The following MMS19 variants were observed in gnomAD, a reference collection of about 807,000 sequenced individuals.
MMS19 encodes the protein MMS19 nucleotide excision repair protein homolog.
In MMS19, 77 loss-of-function variants were observed where a neutral mutation model predicts 129.8. The ratio of observed to expected loss-of-function variants is 0.59; its 90% CI spans 0.49 to 0.72. The LOEUF (loss-of-function observed/expected upper bound fraction) is 0.72, where lower values mean the gene tolerates loss of function less well. Among genes scored for constraint, MMS19 ranks in the 30% least tolerant of loss-of-function variants. The probability of loss-of-function intolerance (pLI) is 0.00; values close to 1 mark genes in which losing one functional copy is unlikely to be tolerated. For synonymous variants in MMS19, 491 were observed against 502.8 expected (o/e 0.98, Z 0.31); for missense variants, 1,168 against 1,266.3 (o/e 0.92, Z 1.18).
At chr10:97,471,674 A>G (rs1162786113) in intron 8 of MMS19, among the ~76,000 whole-genome samples, 1 of 151,968 alleles carries the variant, frequency 6.6e-6, no homozygotes, top group African/African-American at 2.4e-5. Context: ...ACACCTGGCT[A>G]ATTTTTATAT....
At chr10:97,477,751 C>G (rs2036016807) in intron 5 of MMS19, 104 bp downstream of exon 5, 2 of 789,844 alleles carry the variant, frequency 2.5e-6, no homozygotes, top group South Asian at 3.8e-5. Context: ...TCACAAGATC[C>G]AAAAGAATTC....
At chr10:97,460,328 T>C in intron 25 of MMS19, 96 bp from the exon 26 acceptor site, 1 of 1,208,380 alleles carries the variant, frequency 8.3e-7, no homozygotes, top group Non-Finnish European at 1.1e-6. Context: ...ATGCCTGTAA[T>C]CCTAGCACTT....
At position 97,476,728 on chromosome 10, in the gene MMS19, C is replaced by G; in HGVS notation, c.639G>C (p.Glu213Asp). 1 of 1,613,900 alleles carries G rather than the reference C, an allele frequency of 6.2e-7. No homozygotes were observed. The highest frequency in any genetic ancestry group is 8.5e-7 in the Non-Finnish European group (1 of 1,179,870). The change falls in exon 8 of 31, where the codon GAG (glutamate) becomes GAC (aspartate). Residue 213 changes from glutamate (E) to aspartate (D), a missense_variant. Physicochemically the swap from Glu to Asp is conservative, Grantham distance 45. This residue lies in a region of MMS19 where 329 missense variants were observed against 328.6 expected (regional missense o/e 1.00). Coordinates refer to ENST00000438925, the MANE Select transcript of MMS19 (RefSeq NM_022362.5). Reference sequence around the variant, plus strand: ...AATAACAGGATGTCACTTCAAACAACTCCTCCACAAAGGGTCCTGTGGCAA... The same window carrying G: ...AATAACAGGATGTCACTTCAAACAAGTCCTCCACAAAGGGTCCTGTGGCAA... ...RDYSLGPFVEELFEVTSCYFP... is the reference protein window; with the variant it reads ...RDYSLGPFVEDLFEVTSCYFP...
At chr10:97,467,405 T>C in intron 14 of MMS19, 100 bp downstream of exon 14, 1 of 800,012 alleles carries the variant, frequency 1.2e-6, no homozygotes, top group Admixed American at 2.3e-5. Flanking sequence ...ATAGGACCAC[T>C]GTTCTAGACT....
At chr10:97,487,421 C>T (rs1454729337) in intron 1 of MMS19, among the ~76,000 whole-genome samples, 1 of 150,574 alleles carries the variant, frequency 6.6e-6, no homozygotes, top group African/African-American at 2.5e-5. Context: ...CGGGTTCATG[C>T]CATTCTCCTG....
chr10:97,460,115 T>C lies in MMS19; in HGVS notation c.2587A>G (p.Met863Val), dbSNP rs755315531. The C allele has an allele frequency of 1.2e-6, 2 of 1,613,902 alleles. No homozygotes were observed. Among genetic ancestry groups the C allele is most frequent in the African/African-American group, 1.3e-5 (1 of 74,932 alleles). ...TRAGHAEVRI[M>V]FRQRFFTDNV... Reference sequence around the variant, plus strand: ...TCTGTGAAGAACCGCTGGCGGAACATGATCCGCACTTCGGCATGGCCAGCA... The same window carrying C: ...TCTGTGAAGAACCGCTGGCGGAACACGATCCGCACTTCGGCATGGCCAGCA... Residue 863 changes from methionine to valine, a missense_variant, in exon 26 of 31, where the codon ATG becomes GTG. Met to Val is a conservative substitution (Grantham distance 21). Coordinates refer to ENST00000438925, the MANE Select transcript of MMS19 (RefSeq NM_022362.5).
intron 8 of MMS19, among the ~76,000 whole-genome samples, chr10:97,474,021 A>G (rs1339321118): frequency 6.6e-6 from 1 of 150,646 alleles, no homozygotes; most frequent in Non-Finnish European, 1.5e-5. Flanking sequence ...TCATGTGCCT[A>G]TGGTTCCAGC....
chr10:97,465,714 C>G (rs746646819), intron 18 of MMS19, 91 bp downstream of exon 18: 86 of 1,252,726 alleles, frequency 6.9e-5, no homozygotes, highest in Non-Finnish European at 9.5e-5. Flanking sequence ...GATTCTGTTA[C>G]TCTTATGTAT....
chr10:97,490,148 G>A (rs1198804949), intron 1 of MMS19, among the ~76,000 whole-genome samples: 5 of 151,970 alleles, frequency 3.3e-5, no homozygotes. Flanking sequence ...GTACAATCAT[G>A]GCTCACTGCA....
intron 27 of MMS19, 42 bp downstream of exon 27, chr10:97,459,617 T>G (rs1009966831): frequency 6.2e-7 from 1 of 1,600,740 alleles, no homozygotes; most frequent in Admixed American, 1.7e-5. Context: ...TGGGGAAGAA[T>G]AGCTTTGTCC....
intron 18 of MMS19, 126 bp downstream of exon 18, chr10:97,465,679 A>ATTTTTTTTTTTTTTTTTTTTTTTT: frequency 2.3e-6 from 2 of 860,424 alleles, no homozygotes; most frequent in Non-Finnish European, 3.5e-6. Context: ...AGGCATCAGT[A>ATTTTTTTTTTTTTTTTTTTTTTTT]TTTTTTTTTT....
At chr10:97,469,920 C>A (rs1816872234) in intron 10 of MMS19, among the ~76,000 whole-genome samples, 197 bp from the exon 11 acceptor site, 1 of 152,118 alleles carries the variant, frequency 6.6e-6, no homozygotes, top group African/African-American at 2.4e-5. Context: ...AGAGGGAGTC[C>A]TGGTCAGCCT....
chr10:97,461,663 T>G (rs1396784906), intron 22 of MMS19, 41 bp from the exon 23 acceptor site: 1 of 1,585,410 alleles, frequency 6.3e-7, no homozygotes, highest in African/African-American at 1.3e-5. Context: ...AGAGAACACT[T>G]GAACTCCAAG....
upstream of MMS19, chr10:97,498,773 T>G (rs1233567555): frequency 1.2e-5 from 3 of 257,652 alleles, no homozygotes; most frequent in East Asian, 8.4e-5. Context: ...CTGGGGCGGG[T>G]GGTGGCGGCG....
At chr10:97,480,380 A>G (rs1440278936) in intron 3 of MMS19, 1 of 439,422 alleles carries the variant, frequency 2.3e-6, no homozygotes, top group Non-Finnish European at 4.5e-6. Flanking sequence ...AAAACAAAAA[A>G]AACAAAACAA....
chr10:97,481,463 G>A (rs1034575147), intron 2 of MMS19, among the ~76,000 whole-genome samples: 2 of 152,124 alleles, frequency 1.3e-5, no homozygotes, highest in African/African-American at 2.4e-5. Context: ...AGGAGAATAC[G>A]TGTATTTCTG....
At chr10:97,461,470 C>G (rs936070987) in intron 23 of MMS19, 26 bp downstream of exon 23, 1 of 1,604,554 alleles carries the variant, frequency 6.2e-7, no homozygotes, top group African/African-American at 1.3e-5. Context: ...TTCTGGGAGG[C>G]TCCTTACATA....
chr10:97,462,941 A>G (rs2032419892), intron 19 of MMS19: 1 of 379,306 alleles, frequency 2.6e-6, no homozygotes, highest in African/African-American at 2.1e-5. Context: ...AGGGATAGCT[A>G]AGATGAACAT....
intron 3 of MMS19, 39 bp from the exon 4 acceptor site, chr10:97,478,428 C>G (rs754586007): frequency 1.4e-6 from 2 of 1,438,272 alleles, no homozygotes; most frequent in Non-Finnish European, 1.9e-6. Context: ...GACATAGGCA[C>G]GAGAAGGGCC....
Sources: gnomAD v4.1 joint callset for allele counts (sites outside exome capture counted in the v4.1 genomes callset) on GRCh38, gnomAD v4.1.1 for gene constraint, gnomAD v4.1.1 regional missense constraint, MANE v1.5 for transcripts, NCBI Gene and HGNC (gene_info 2026-07-23, HGNC 2026-07-21) for gene names.